Variants in MYO1B observed in about 807,000 individuals in gnomAD.
MYO1B encodes the protein myosin IB.
Under a neutral mutation model 159.7 loss-of-function variants are expected in MYO1B, and 72 were observed. That is an observed-to-expected ratio of 0.45 (90% CI 0.37 to 0.55). The LOEUF is 0.55. MYO1B is among the 20% of genes least tolerant of loss of function. The probability of loss-of-function intolerance (pLI) is 0.00; values close to 1 mark genes in which losing one functional copy is unlikely to be tolerated. For synonymous variants in MYO1B, 468 were observed against 473.8 expected (o/e 0.99, Z 0.16); for missense variants, 1,062 against 1,364.8 (o/e 0.78, Z 3.50).
At chr2:191,397,328 A>T (rs1290014404) in intron 21 of MYO1B, among the ~76,000 whole-genome samples, 2 of 146,394 alleles carry the variant, frequency 1.4e-5, no homozygotes, top group Non-Finnish European at 3.0e-5. Flanking sequence ...TCCTAGGCAG[A>T]GGACCCTGCG....
chr2:191,332,024 G>A (rs948524330), intron 4 of MYO1B, among the ~76,000 whole-genome samples: 8 of 152,152 alleles, frequency 5.3e-5, no homozygotes, highest in South Asian at 4.1e-4. Flanking sequence ...GTGCAATGGC[G>A]CGATCTTGGC....
chr2:191,310,998 G>A (rs1354711237), intron 3 of MYO1B, among the ~76,000 whole-genome samples: 3 of 152,150 alleles, frequency 2.0e-5, no homozygotes, highest in South Asian at 2.1e-4. Context: ...TTAGGAAGGG[G>A]CAACATTTGA....
At chr2:191,279,759 A>T (rs1450283321) in intron 2 of MYO1B, among the ~76,000 whole-genome samples, 1 of 150,676 alleles carries the variant, frequency 6.6e-6, no homozygotes, top group Non-Finnish European at 1.5e-5. Context: ...GAAAATGAAG[A>T]TGCAGTTAAA....
intron 2 of MYO1B, among the ~76,000 whole-genome samples, chr2:191,292,386 A>G (rs1322719463): frequency 1.3e-5 from 2 of 152,162 alleles, no homozygotes; most frequent in Non-Finnish European, 2.9e-5. Context: ...CAGACATGAG[A>G]CTTCAACCTA....
At chr2:191,331,367 C>T (rs968972035) in intron 4 of MYO1B, among the ~76,000 whole-genome samples, 2 of 152,154 alleles carry the variant, frequency 1.3e-5, no homozygotes, top group Admixed American at 1.3e-4. Flanking sequence ...GAAGTCTCAC[C>T]ACTTTGAATG....
At chr2:191,357,111 A>T (rs1347316331) in intron 7 of MYO1B, among the ~76,000 whole-genome samples, 1 of 152,196 alleles carries the variant, frequency 6.6e-6, no homozygotes, top group African/African-American at 2.4e-5. Flanking sequence ...CATACTATCT[A>T]ATCCTTTCTC....
chr2:191,355,753 G>A (rs549020782), intron 7 of MYO1B, among the ~76,000 whole-genome samples: 2 of 152,156 alleles, frequency 1.3e-5, no homozygotes, highest in Non-Finnish European at 2.9e-5. Context: ...ATTTTTTCTC[G>A]TCCTGGGGAG....
intron 4 of MYO1B, among the ~76,000 whole-genome samples, chr2:191,333,313 A>C (rs974730841): frequency 7.2e-5 from 11 of 152,148 alleles, no homozygotes; most frequent in Non-Finnish European, 1.6e-4. Flanking sequence ...TCTAACATGC[A>C]TCTCAGACTA....
At chr2:191,281,371 ACT>A (rs935967495) in intron 2 of MYO1B, among the ~76,000 whole-genome samples, 39 of 151,530 alleles carry the variant, frequency 2.6e-4, no homozygotes, top group African/African-American at 9.2e-4. Context: ...AGGGTCAGAG[ACT>A]CTATTTGCTT....
At chr2:191,330,128 G>C in intron 4 of MYO1B, 99 bp downstream of exon 4, 1 of 959,976 alleles carries the variant, frequency 1.0e-6, no homozygotes, top group Non-Finnish European at 1.6e-6. Context: ...ATCTGTCGCA[G>C]GGCCACTGTG....
intron 21 of MYO1B, 36 bp from the exon 22 acceptor site, chr2:191,400,346 T>G: frequency 6.2e-7 from 1 of 1,608,412 alleles, no homozygotes; most frequent in Non-Finnish European, 8.5e-7. Flanking sequence ...CCTTTATTTT[T>G]AAACATTCTC....
At chr2:191,329,279 A>G (rs1691303805) in intron 3 of MYO1B, among the ~76,000 whole-genome samples, 1 of 152,192 alleles carries the variant, frequency 6.6e-6, no homozygotes, top group African/African-American at 2.4e-5. Context: ...GGGCTGGACA[A>G]AAACCCTGGC....
intron 13 of MYO1B, among the ~76,000 whole-genome samples, chr2:191,370,654 G>A (rs1694307517): frequency 6.6e-6 from 1 of 152,198 alleles, no homozygotes; most frequent in African/African-American, 2.4e-5. Context: ...GCTACAATGA[G>A]TATGTCTGTG....
At chr2:191,258,259 G>A (rs1380639526) in intron 1 of MYO1B, among the ~76,000 whole-genome samples, 2 of 152,154 alleles carry the variant, frequency 1.3e-5, no homozygotes, top group Non-Finnish European at 2.9e-5. Context: ...AATATTGTAG[G>A]CAATTATAAC....
intron 11 of MYO1B, among the ~76,000 whole-genome samples, chr2:191,368,746 G>C (rs1694171552): frequency 2.0e-5 from 3 of 152,100 alleles, no homozygotes; most frequent in African/African-American, 2.4e-5. Flanking sequence ...GGCTGAGGTG[G>C]GTGGATCACC....
At chr2:191,338,339 A>G (rs541070071) in intron 4 of MYO1B, among the ~76,000 whole-genome samples, 6 of 152,356 alleles carry the variant, frequency 3.9e-5, no homozygotes, top group Middle Eastern at 3.4e-3. Context: ...TTCTCAAACT[A>G]TATTTTAAAA....
intron 3 of MYO1B, among the ~76,000 whole-genome samples, chr2:191,317,832 T>A (rs999259091): frequency 2.0e-5 from 3 of 152,244 alleles, no homozygotes; most frequent in African/African-American, 4.8e-5. Context: ...ACAGAGCTCT[T>A]TGTAAGCATA....
chr2:191,371,825 T>A (rs1195784449), intron 13 of MYO1B, among the ~76,000 whole-genome samples: 2 of 152,250 alleles, frequency 1.3e-5, no homozygotes, highest in Admixed American at 6.5e-5. Flanking sequence ...GTGTGTGTGC[T>A]GGTGGCTTCC....
intron 24 of MYO1B, among the ~76,000 whole-genome samples, chr2:191,407,283 AGAAAG>A (rs1406989487): frequency 6.6e-6 from 1 of 152,222 alleles, no homozygotes; most frequent in African/African-American, 2.4e-5. Context: ...CTAGAAAACT[AGAAAG>A]AAAAGAAAAA....
Sources: gnomAD v4.1 joint callset for allele counts (sites outside exome capture counted in the v4.1 genomes callset) on GRCh38, gnomAD v4.1.1 for gene constraint, MANE v1.5 for transcripts, NCBI Gene and HGNC (gene_info 2026-07-23, HGNC 2026-07-21) for gene names.